Variants in ROBO2 observed in about 807,000 individuals in gnomAD.
ROBO2 encodes the protein roundabout homolog 2.
A neutral mutation model predicts 160.8 loss-of-function variants in ROBO2; 53 were observed. The observed-to-expected ratio is 0.33, with a 90% CI of 0.26 to 0.41. The LOEUF (loss-of-function observed/expected upper bound fraction) is 0.41. Among genes scored for constraint, ROBO2 ranks in the 10% least tolerant of loss-of-function variants. The pLI, the probability that ROBO2 is intolerant of heterozygous loss-of-function variation, is 1.00. For missense variants in ROBO2, 1,577 were observed against 1,722.4 expected (o/e 0.92, Z 1.49); for synonymous variants, 664 against 611.7 (o/e 1.09, Z -1.26).
At chr3:76,084,465 T>A (rs2068940145) in intron 2 of ROBO2, among the ~76,000 whole-genome samples, 1 of 152,160 alleles carries the variant, frequency 6.6e-6, no homozygotes, top group Non-Finnish European at 1.5e-5. Flanking sequence ...GTTTTACAGA[T>A]AAGAAAGCTG....
intron 2 of ROBO2, among the ~76,000 whole-genome samples, chr3:77,034,752 A>G (rs1193765344): frequency 6.6e-6 from 1 of 151,964 alleles, no homozygotes; most frequent in Non-Finnish European, 1.5e-5. Flanking sequence ...ACAACAAAAA[A>G]TTCTGTTTTG....
At chr3:77,531,765 C>CT (rs1352219372) in intron 6 of ROBO2, among the ~76,000 whole-genome samples, 1 of 152,006 alleles carries the variant, frequency 6.6e-6, no homozygotes, top group East Asian at 1.9e-4. Flanking sequence ...TTTGGATGCA[C>CT]TTTTTGCAAA....
chr3:77,121,544 C>A (rs1347610906), intron 2 of ROBO2, among the ~76,000 whole-genome samples: 1 of 152,022 alleles, frequency 6.6e-6, no homozygotes, highest in African/African-American at 2.4e-5. Context: ...GTTTTATCTG[C>A]AAGTAACGAA....
chr3:75,985,142 A>C (rs2065379530), intron 2 of ROBO2, among the ~76,000 whole-genome samples: 1 of 151,440 alleles, frequency 6.6e-6, no homozygotes, highest in Non-Finnish European at 1.5e-5. Flanking sequence ...ATCCTTATGC[A>C]TTGTATCTTG....
intron 2 of ROBO2, among the ~76,000 whole-genome samples, chr3:76,619,062 C>T (rs1246021263): frequency 3.3e-5 from 5 of 150,456 alleles, no homozygotes; most frequent in Non-Finnish European, 5.9e-5. Context: ...AAAAATAGGC[C>T]GGGCGCGGTG....
At chr3:76,049,403 A>ATATATATTTTTTTTTTTTT (rs1414664360) in intron 2 of ROBO2, among the ~76,000 whole-genome samples, 3 of 53,762 alleles carry the variant, frequency 5.6e-5, no homozygotes, top group East Asian at 6.3e-4. Context: ...ATATATATAT[A>ATATATATTTTTTTTTTTTT]TTTTTTTTTT....
At chr3:76,879,269 T>C (rs559018182) in intron 2 of ROBO2, among the ~76,000 whole-genome samples, 59 of 152,162 alleles carry the variant, frequency 3.9e-4, no homozygotes, top group African/African-American at 1.4e-3. Context: ...TGTTCAGCAG[T>C]TCTCAACTTT....
At chr3:77,186,954 C>T (rs2081339375) in intron 2 of ROBO2, among the ~76,000 whole-genome samples, 1 of 151,914 alleles carries the variant, frequency 6.6e-6, no homozygotes, top group Non-Finnish European at 1.5e-5. Flanking sequence ...CTCACACTTG[C>T]GGTATTCAAG....
At chr3:77,483,991 G>A (rs2085019236) in intron 4 of ROBO2, among the ~76,000 whole-genome samples, 1 of 151,610 alleles carries the variant, frequency 6.6e-6, no homozygotes, top group Non-Finnish European at 1.5e-5. Context: ...TAAAATTTCA[G>A]CATTATATAT....
intron 2 of ROBO2, among the ~76,000 whole-genome samples, chr3:76,464,542 C>T (rs1258633261): frequency 6.6e-6 from 1 of 151,852 alleles, no homozygotes; most frequent in Non-Finnish European, 1.5e-5. Context: ...CAGTTTCTTT[C>T]CACCTCAGTA....
At chr3:76,927,160 A>G (rs1329561863) in intron 2 of ROBO2, among the ~76,000 whole-genome samples, 3 of 152,180 alleles carry the variant, frequency 2.0e-5, no homozygotes, top group Non-Finnish European at 4.4e-5. Flanking sequence ...TTTGCAGCTA[A>G]CAGATGGTCA....
At chr3:76,794,170 AT>A (rs2063544241) in intron 2 of ROBO2, among the ~76,000 whole-genome samples, 1 of 151,942 alleles carries the variant, frequency 6.6e-6, no homozygotes, top group Non-Finnish European at 1.5e-5. Flanking sequence ...AGCTTGAAAA[AT>A]TGAATAAATG....
chr3:77,540,775 A>C (rs9830794), intron 6 of ROBO2, among the ~76,000 whole-genome samples: 13,689 of 152,214 alleles, frequency 0.09, 1,339 homozygotes, highest in African/African-American at 0.25. Context: ...TCATGCCCTG[A>C]GTAAGATTCA....
At chr3:76,265,938 G>A (rs569309030) in intron 2 of ROBO2, among the ~76,000 whole-genome samples, 1 of 152,098 alleles carries the variant, frequency 6.6e-6, no homozygotes, top group East Asian at 1.9e-4. Flanking sequence ...TCAAACTCAG[G>A]GTAAGTAAGC....
chr3:77,351,134 T>C (rs955257464), intron 2 of ROBO2, among the ~76,000 whole-genome samples: 1 of 152,216 alleles, frequency 6.6e-6, no homozygotes, highest in Admixed American at 6.5e-5. Flanking sequence ...GACTTGTCTT[T>C]TTAAATTATT....
At chr3:77,512,068 T>TG (rs745746169) in intron 5 of ROBO2, among the ~76,000 whole-genome samples, 9 of 152,064 alleles carry the variant, frequency 5.9e-5, no homozygotes, top group Non-Finnish European at 1.3e-4. Flanking sequence ...GTGTGACCTG[T>TG]GGTTGTCTAA....
At chr3:76,495,508 T>C (rs2080098706) in intron 2 of ROBO2, among the ~76,000 whole-genome samples, 1 of 152,160 alleles carries the variant, frequency 6.6e-6, no homozygotes, top group South Asian at 2.1e-4. Flanking sequence ...AATCATTTGT[T>C]CACTAGCAAT....
intron 2 of ROBO2, among the ~76,000 whole-genome samples, chr3:76,915,671 CAA>C (rs372827394): frequency 1.1e-4 from 11 of 96,486 alleles, no homozygotes; most frequent in Non-Finnish European, 8.3e-5. Flanking sequence ...CTCTCGCTCT[CAA>C]AAAAAAAAAA....
At chr3:77,412,862 G>A (rs1203433621) in intron 2 of ROBO2, among the ~76,000 whole-genome samples, 2 of 152,114 alleles carry the variant, frequency 1.3e-5, no homozygotes, top group Non-Finnish European at 2.9e-5. Context: ...AATGTCTTTT[G>A]ACATTTGGGG....
Sources: allele counts gnomAD v4.1 joint callset (sites outside exome capture counted in the v4.1 genomes callset), GRCh38; gene constraint gnomAD v4.1.1; transcripts MANE v1.5; gene names NCBI Gene and HGNC (gene_info 2026-07-23, HGNC 2026-07-21).